Variants in MYO5B observed in about 807,000 individuals in gnomAD.
The protein encoded by MYO5B is myosin VB, also known as unconventional myosin-Vb.
In MYO5B, 143 loss-of-function variants were observed where a neutral mutation model predicts 229.3. The observed-to-expected ratio is 0.62, with a 90% CI of 0.54 to 0.72. MYO5B has a LOEUF of 0.72. Ranked by LOEUF, MYO5B falls within the 30% of genes least tolerant of loss-of-function variation. The probability of loss-of-function intolerance (pLI) is 0.00; values close to 1 mark genes in which losing one functional copy is unlikely to be tolerated. For synonymous variants in MYO5B, 918 were observed against 885.2 expected, an observed-to-expected ratio of 1.04 and a Z score of -0.66; for missense variants, 2,321 against 2,331.0, an observed-to-expected ratio of 1.00 and a Z score of 0.09.
intron 1 of MYO5B, among the ~76,000 whole-genome samples, chr18:50,057,395 C>A (rs2030575924): frequency 1.3e-5 from 2 of 152,212 alleles, no homozygotes; most frequent in Admixed American, 1.3e-4. Context: ...AGGAATGGCT[C>A]AAGATAACAG....
intron 1 of MYO5B, among the ~76,000 whole-genome samples, chr18:50,179,439 G>C (rs911450550): frequency 6.6e-6 from 1 of 152,198 alleles, no homozygotes; most frequent in South Asian, 2.1e-4. Context: ...TACCTGAACC[G>C]GGTATAGGAA....
At chr18:49,916,342 C>T (rs2025013759) in intron 17 of MYO5B, among the ~76,000 whole-genome samples, 1 of 152,194 alleles carries the variant, frequency 6.6e-6, no homozygotes, top group Non-Finnish European at 1.5e-5. Context: ...AGGACAGAAG[C>T]CTGGCTCTGA....
intron 9 of MYO5B, among the ~76,000 whole-genome samples, chr18:49,978,506 C>G (rs780662183): frequency 3.9e-5 from 6 of 151,984 alleles, no homozygotes; most frequent in Non-Finnish European, 7.4e-5. Context: ...AATTGCCCAT[C>G]CACTCTTACT....
intron 4 of MYO5B, among the ~76,000 whole-genome samples, chr18:50,030,328 A>G (rs1217527609): frequency 1.4e-5 from 2 of 147,878 alleles, no homozygotes; most frequent in Non-Finnish European, 3.1e-5. Context: ...AATTTCTCTC[A>G]TTGCCCTGAG....
intron 1 of MYO5B, among the ~76,000 whole-genome samples, chr18:50,118,626 CTTT>C (rs11429821): frequency 1.1e-4 from 15 of 138,012 alleles, no homozygotes; most frequent in South Asian, 4.6e-4. Context: ...GTTGGCATTT[CTTT>C]TTTTTTTTTT....
intron 1 of MYO5B, among the ~76,000 whole-genome samples, chr18:50,178,356 T>C (rs746448266): frequency 1.1e-4 from 16 of 152,206 alleles, no homozygotes; most frequent in South Asian, 8.3e-4. Flanking sequence ...CCCTGTCTGG[T>C]GCCATGAACT....
At chr18:49,874,374 G>A (rs778069397) in intron 26 of MYO5B, among the ~76,000 whole-genome samples, 10 of 152,228 alleles carry the variant, frequency 6.6e-5, no homozygotes, top group Non-Finnish European at 1.2e-4. Flanking sequence ...ATCAGGCACC[G>A]TCTGATGTCA....
intron 4 of MYO5B, among the ~76,000 whole-genome samples, chr18:50,016,070 G>C (rs7227371): frequency 0.016 from 2,455 of 152,320 alleles, 59 homozygotes; most frequent in African/African-American, 0.051. Flanking sequence ...GTGACACAGG[G>C]AAAGGGCCAA....
intron 1 of MYO5B, among the ~76,000 whole-genome samples, chr18:50,178,490 A>G (rs1353917412): frequency 6.6e-6 from 1 of 152,232 alleles, no homozygotes; most frequent in Non-Finnish European, 1.5e-5. Context: ...CCAGCAGGGA[A>G]GTGCAACAAC....
At chr18:50,117,539 C>T (rs1306484919) in intron 1 of MYO5B, among the ~76,000 whole-genome samples, 1 of 152,016 alleles carries the variant, frequency 6.6e-6, no homozygotes, top group Non-Finnish European at 1.5e-5. Context: ...AGTCTTTCTT[C>T]CTCTCTAGAG....
intron 18 of MYO5B, among the ~76,000 whole-genome samples, chr18:49,907,132 G>A (rs1019968626): frequency 5.9e-5 from 9 of 152,286 alleles, no homozygotes; most frequent in Admixed American, 2.0e-4. Context: ...GGGTATATCT[G>A]AGGATCAGGA....
intron 37 of MYO5B, 27 bp from the exon 38 acceptor site, chr18:49,836,912 T>C: frequency 6.2e-7 from 1 of 1,611,358 alleles, no homozygotes; most frequent in Admixed American, 1.7e-5. Flanking sequence ...AAGCAAGCTA[T>C]GTTAAGCCGG....
intron 4 of MYO5B, among the ~76,000 whole-genome samples, chr18:50,004,173 G>A (rs141406526): frequency 6.4e-4 from 97 of 152,304 alleles, no homozygotes; most frequent in African/African-American, 2.3e-3. Flanking sequence ...CTCTTCTGAG[G>A]AGGTAAGTGG....
At chr18:50,149,907 G>T (rs2032569129) in intron 1 of MYO5B, among the ~76,000 whole-genome samples, 2 of 145,530 alleles carry the variant, frequency 1.4e-5, no homozygotes, top group African/African-American at 5.1e-5. Flanking sequence ...CCTACAAAAT[G>T]GGAGAAAATT....
intron 9 of MYO5B, among the ~76,000 whole-genome samples, 182 bp downstream of exon 9, chr18:49,980,262 G>C (rs1352410201): frequency 6.6e-6 from 1 of 152,210 alleles, no homozygotes; most frequent in Admixed American, 6.5e-5. Flanking sequence ...ACAGAAACTT[G>C]ATGGCAGCTG....
rs1033744842 is a variant in MYO5B, at chr18:49,909,267, C to T, written c.2203-2637G>A. On this transcript the variant is annotated intron_variant, in intron 18 of 39. Coordinates refer to ENST00000285039, the MANE Select transcript of MYO5B (RefSeq NM_001080467.3). ...AAAATAAAAAGGAGGAAATAGAAGA[C>T]CCCAGGGAAATCTTTAGCATTAGTG... Among the ~76,000 whole-genome samples the T allele has an allele frequency of 3.3e-5, 5 of 152,144 alleles. No homozygotes were observed. The East Asian group carries it at 7.7e-4, about 23-fold the overall frequency.
intron 1 of MYO5B, among the ~76,000 whole-genome samples, chr18:50,115,551 C>CAG (rs879809713): frequency 0.035 from 1,676 of 48,264 alleles, 18 homozygotes; most frequent in South Asian, 0.054. Context: ...CAGAGAGACA[C>CAG]ACACACACAC....
At chr18:49,949,244 G>C (rs2025406843) in intron 14 of MYO5B, among the ~76,000 whole-genome samples, 1 of 151,874 alleles carries the variant, frequency 6.6e-6, no homozygotes, top group South Asian at 2.1e-4. Flanking sequence ...GCAATCTTCA[G>C]AGGAAAAACA....
intron 1 of MYO5B, among the ~76,000 whole-genome samples, chr18:50,143,732 T>C (rs1400250025): frequency 2.0e-5 from 3 of 152,212 alleles, no homozygotes; most frequent in Admixed American, 2.0e-4. Context: ...ATAGACAGGA[T>C]GTTGTTCGGA....
Sources: allele counts gnomAD v4.1 joint callset (sites outside exome capture counted in the v4.1 genomes callset), GRCh38; gene constraint gnomAD v4.1.1; transcripts MANE v1.5; gene names NCBI Gene and HGNC (gene_info 2026-07-23, HGNC 2026-07-21).